NAALADL2: variants seen among roughly 807,000 people sequenced by gnomAD.
The protein encoded by NAALADL2 is N-acetylated alpha-linked acidic dipeptidase like 2.
NAALADL2 carries 76 observed loss-of-function variants against 87.2 expected under a neutral mutation model. That is an observed-to-expected ratio of 0.87 (90% CI 0.72 to 1.05). The LOEUF is 1.05. NAALADL2 is among the 50% of genes least tolerant of loss of function. NAALADL2 has a pLI of 0.00. For synonymous variants in NAALADL2, 354 were observed against 331.0 expected, an observed-to-expected ratio of 1.07 and a Z score of -0.75; for missense variants, 1,089 against 945.8, an observed-to-expected ratio of 1.15 and a Z score of -1.99.
intron 10 of NAALADL2, among the ~76,000 whole-genome samples, chr3:175,607,242 A>C (rs2149660805): frequency 6.6e-6 from 1 of 152,368 alleles, no homozygotes; most frequent in South Asian, 2.1e-4. Context: ...GAAAGCAAAT[A>C]ATAGTATAAA....
chr3:175,534,976 G>A (rs895605723), intron 9 of NAALADL2, among the ~76,000 whole-genome samples: 6 of 151,856 alleles, frequency 4.0e-5, no homozygotes, highest in African/African-American at 1.5e-4. Context: ...AAGTCCTCAG[G>A]GTCAAAATCT....
At chr3:175,013,279 A>ATATATTTT (rs1750350533) in intron 1 of NAALADL2, among the ~76,000 whole-genome samples, 3 of 70,838 alleles carry the variant, frequency 4.2e-5, no homozygotes, top group Admixed American at 2.1e-4. Flanking sequence ...ATATATATAC[A>ATATATTTT]TATATATATA....
chr3:175,088,437 A>G (rs1413266432), intron 1 of NAALADL2, among the ~76,000 whole-genome samples: 1 of 152,218 alleles, frequency 6.6e-6, no homozygotes. Context: ...TAAAAGAACA[A>G]GTATGAGAAA....
At chr3:174,586,074 T>C (rs1244823502) in intron 2 of NAALADL2, among the ~76,000 whole-genome samples, 1 of 152,226 alleles carries the variant, frequency 6.6e-6, no homozygotes, top group East Asian at 1.9e-4. Flanking sequence ...AATTATTATA[T>C]GTGTAAACAA....
intron 3 of NAALADL2, among the ~76,000 whole-genome samples, chr3:174,743,423 A>C (rs745680869): frequency 4.0e-5 from 6 of 151,860 alleles, no homozygotes; most frequent in Non-Finnish European, 8.9e-5. Flanking sequence ...ATTGGATTCC[A>C]AATAAAATTA....
intron 2 of NAALADL2, among the ~76,000 whole-genome samples, chr3:174,598,975 T>C (rs920795178): frequency 2.6e-5 from 4 of 152,178 alleles, no homozygotes; most frequent in African/African-American, 9.7e-5. Flanking sequence ...TGGTAACAGC[T>C]CCATGTAACA....
At chr3:174,919,490 G>A (rs144352595) in intron 1 of NAALADL2, among the ~76,000 whole-genome samples, 138 of 152,122 alleles carry the variant, frequency 9.1e-4, no homozygotes, top group African/African-American at 3.0e-3. Flanking sequence ...CTTCTCATCC[G>A]TTCAAGTATA....
intron 2 of NAALADL2, among the ~76,000 whole-genome samples, chr3:174,624,539 G>A (rs1236930161): frequency 6.6e-6 from 1 of 151,636 alleles, no homozygotes; most frequent in Non-Finnish European, 1.5e-5. Flanking sequence ...CAGGAGAATT[G>A]CTTTAACCCG....
intron 10 of NAALADL2, among the ~76,000 whole-genome samples, chr3:175,606,022 TG>T (rs1359191894): frequency 6.6e-6 from 1 of 152,188 alleles, no homozygotes; most frequent in Admixed American, 6.5e-5. Flanking sequence ...CTTAGCTACT[TG>T]GACCTCTCAG....
intron 1 of NAALADL2, among the ~76,000 whole-genome samples, chr3:174,545,829 T>C (rs145045475): frequency 1.1e-3 from 167 of 151,428 alleles, no homozygotes; most frequent in African/African-American, 3.8e-3. Context: ...CTTAGTTTTA[T>C]TTTTTATTAT....
intron 10 of NAALADL2, chr3:175,581,358 C>T (rs1390333094): frequency 6.3e-6 from 1 of 158,226 alleles, no homozygotes; most frequent in Non-Finnish European, 1.4e-5. Flanking sequence ...AGAAGAATCA[C>T]TTGAATCCTG....
chr3:174,465,014 A>G (rs1196118603), intron 1 of NAALADL2, among the ~76,000 whole-genome samples: 1 of 152,096 alleles, frequency 6.6e-6, no homozygotes, highest in Non-Finnish European at 1.5e-5. Context: ...TTGGTATCTT[A>G]CTTCAGGAAC....
chr3:175,499,378 G>A (rs999585254), intron 9 of NAALADL2, among the ~76,000 whole-genome samples: 7 of 151,980 alleles, frequency 4.6e-5, no homozygotes, highest in Non-Finnish European at 8.8e-5. Context: ...CAAGTCTAGC[G>A]TAAGAGTCTC....
At chr3:175,039,686 A>G (rs927798117) in intron 1 of NAALADL2, among the ~76,000 whole-genome samples, 4 of 152,182 alleles carry the variant, frequency 2.6e-5, no homozygotes, top group South Asian at 2.1e-4. Context: ...TAGACAAGTG[A>G]AACAGTAGAA....
intron 3 of NAALADL2, among the ~76,000 whole-genome samples, chr3:175,247,678 A>G (rs551952974): frequency 6.6e-6 from 1 of 152,288 alleles, no homozygotes. Flanking sequence ...TGCCTTGTTC[A>G]GAAATTATTA....
At chr3:175,636,324 A>G (rs1193773330) in intron 11 of NAALADL2, among the ~76,000 whole-genome samples, 1 of 152,164 alleles carries the variant, frequency 6.6e-6, no homozygotes, top group Non-Finnish European at 1.5e-5. Flanking sequence ...ACAGATGAGA[A>G]AAACCCATTT....
chr3:174,735,725 A>G (rs923510387), intron 2 of NAALADL2, among the ~76,000 whole-genome samples: 18 of 151,998 alleles, frequency 1.2e-4, no homozygotes, highest in African/African-American at 3.9e-4. Flanking sequence ...ATGCCCAGCT[A>G]ATTTTTTATT....
intron 13 of NAALADL2, among the ~76,000 whole-genome samples, chr3:175,795,563 G>C (rs1323577015): frequency 6.6e-6 from 1 of 151,418 alleles, no homozygotes; most frequent in African/African-American, 2.4e-5. Flanking sequence ...GGTGCCTGTA[G>C]TCCCAGCTAC....
intron 4 of NAALADL2, among the ~76,000 whole-genome samples, chr3:175,314,685 TATATATATATA>T (rs1758855384): frequency 3.6e-5 from 1 of 27,558 alleles, no homozygotes; most frequent in African/African-American, 2.9e-4. Flanking sequence ...TATATATATA[TATATATATATA>T]TATATATATA....
Sources: allele counts gnomAD v4.1 joint callset (sites outside exome capture counted in the v4.1 genomes callset), GRCh38; gene constraint gnomAD v4.1.1; transcripts MANE v1.5; gene names NCBI Gene and HGNC (gene_info 2026-07-23, HGNC 2026-07-21).